The following CSMD1 variants were observed in gnomAD, a reference collection of about 807,000 sequenced individuals.
The protein encoded by CSMD1 is CUB and sushi domain-containing protein 1.
Under a neutral mutation model 417.5 loss-of-function variants are expected in CSMD1, and 213 were observed. The ratio of observed to expected loss-of-function variants is 0.51; its 90% CI spans 0.46 to 0.57. The LOEUF (loss-of-function observed/expected upper bound fraction) is 0.57. Among genes scored for constraint, CSMD1 ranks in the 20% least tolerant of loss-of-function variants. The pLI, the probability that CSMD1 is intolerant of heterozygous loss-of-function variation, is 0.00. For synonymous variants in CSMD1, 2,862 were observed against 1,736.8 expected, an observed-to-expected ratio of 1.65 and a Z score of -16.11; for missense variants, 6,923 against 4,529.7, an observed-to-expected ratio of 1.53 and a Z score of -15.17.
chr8:4,212,100 G>C (rs915936339), intron 3 of CSMD1, among the ~76,000 whole-genome samples: 6 of 151,588 alleles, frequency 4.0e-5, no homozygotes, highest in African/African-American at 1.2e-4. Context: ...GAACGTAAAA[G>C]TCATGATTTC....
At chr8:3,623,522 A>G (rs149883469) in intron 7 of CSMD1, among the ~76,000 whole-genome samples, 1 of 152,330 alleles carries the variant, frequency 6.6e-6, no homozygotes, top group Admixed American at 6.5e-5. Flanking sequence ...ATGAAGCGCT[A>G]AAAATAATTA....
chr8:4,178,501 T>C (rs994441212), intron 3 of CSMD1, among the ~76,000 whole-genome samples: 1 of 151,064 alleles, frequency 6.6e-6, no homozygotes, highest in African/African-American at 2.4e-5. Flanking sequence ...ACTGGAAGCA[T>C]TCCCTTTGAA....
intron 5 of CSMD1, among the ~76,000 whole-genome samples, chr8:3,917,160 A>T (rs1391403819): frequency 6.6e-6 from 1 of 152,188 alleles, no homozygotes; most frequent in Non-Finnish European, 1.5e-5. Context: ...TGCACAGAGG[A>T]ATAACGATTA....
chr8:3,168,179 A>G (rs1042068323), intron 37 of CSMD1, among the ~76,000 whole-genome samples: 2 of 152,204 alleles, frequency 1.3e-5, no homozygotes, highest in African/African-American at 2.4e-5. Flanking sequence ...GGGTCAAGAA[A>G]TCAAAATACA....
intron 1 of CSMD1, among the ~76,000 whole-genome samples, chr8:4,814,841 A>G (rs1799116277): frequency 6.6e-6 from 1 of 151,952 alleles, no homozygotes. Context: ...AATACTGCGG[A>G]CTCTTAATCA....
At chr8:3,391,540 G>C (rs759091843) in intron 17 of CSMD1, among the ~76,000 whole-genome samples, 10 of 152,182 alleles carry the variant, frequency 6.6e-5, no homozygotes, top group Non-Finnish European at 1.3e-4. Context: ...TCCTCGTAAA[G>C]AATGGCTAGA....
intron 12 of CSMD1, among the ~76,000 whole-genome samples, chr8:3,461,412 T>C (rs1816493502): frequency 1.3e-5 from 2 of 152,194 alleles, no homozygotes; most frequent in Non-Finnish European, 2.9e-5. Flanking sequence ...ACGGCCATAA[T>C]GCTGTGTCAG....
intron 23 of CSMD1, among the ~76,000 whole-genome samples, chr8:3,313,406 C>G (rs1023722395): frequency 2.0e-5 from 3 of 152,086 alleles, no homozygotes; most frequent in African/African-American, 7.2e-5. Context: ...CTACAATGAA[C>G]TCAAATTTAC....
At chr8:4,157,233 G>T (rs1482021871) in intron 3 of CSMD1, among the ~76,000 whole-genome samples, 1 of 152,152 alleles carries the variant, frequency 6.6e-6, no homozygotes, top group African/African-American at 2.4e-5. Flanking sequence ...GAGTTTATAA[G>T]AACACAACAG....
At chr8:4,403,459 G>C (rs79035519) in intron 3 of CSMD1, among the ~76,000 whole-genome samples, 3,363 of 152,036 alleles carry the variant, frequency 0.022, 111 homozygotes, top group African/African-American at 0.077. Flanking sequence ...TCCTTATCAG[G>C]GTCACCAATG....
chr8:3,110,463 G>A (rs1429429244), intron 42 of CSMD1, 128 bp from the exon 43 acceptor site: 1 of 707,360 alleles, frequency 1.4e-6, no homozygotes. Flanking sequence ...AAATATTTCT[G>A]AATCACCATT....
At chr8:4,361,240 C>T (rs1801741015) in intron 3 of CSMD1, among the ~76,000 whole-genome samples, 1 of 151,980 alleles carries the variant, frequency 6.6e-6, no homozygotes, top group Non-Finnish European at 1.5e-5. Flanking sequence ...ACTCAAAAAG[C>T]AGGAAGGAAA....
chr8:4,864,972 T>G (rs1191052598), intron 1 of CSMD1, among the ~76,000 whole-genome samples: 1 of 151,076 alleles, frequency 6.6e-6, no homozygotes, highest in Non-Finnish European at 1.5e-5. Flanking sequence ...TATTATAATA[T>G]TATTATATAA....
chr8:4,185,703 A>C (rs192534760), intron 3 of CSMD1, among the ~76,000 whole-genome samples: 49 of 152,350 alleles, frequency 3.2e-4, no homozygotes, highest in African/African-American at 1.2e-3. Flanking sequence ...GAAGACATGT[A>C]CTGAAATATG....
chr8:4,035,475 G>C (rs371967552), intron 3 of CSMD1, among the ~76,000 whole-genome samples: 2 of 142,854 alleles, frequency 1.4e-5, no homozygotes, highest in African/African-American at 6.0e-5. Context: ...TATTATCCTA[G>C]GAGATGAAAG....
rs552388303 is a variant in CSMD1 at position 3,998,280 on chromosome 8, G to A, written c.611-170C>T. 4.6e-5 allele frequency among the ~76,000 whole-genome samples: 7 copies of A among 152,244 alleles called. No individual in the cohort carries two copies. In the East Asian group the frequency reaches 1.3e-3, roughly 29 times the overall value. On this transcript the variant is annotated intron_variant, in intron 4 of 69. Transcript: ENST00000635120. Reference sequence around the variant, plus strand: ...GTATGTTAATGAGTTCTATGAAAAGGCTTACAAGACTCTAACATTTAAATT... The same window carrying A: ...GTATGTTAATGAGTTCTATGAAAAGACTTACAAGACTCTAACATTTAAATT...
intron 54 of CSMD1, among the ~76,000 whole-genome samples, chr8:2,980,313 T>TTTC (rs1554478596): frequency 7.0e-6 from 1 of 142,908 alleles, no homozygotes; most frequent in Non-Finnish European, 1.5e-5. Context: ...GATGCCACCA[T>TTTC]TTCTCCTCCT....
chr8:4,949,009 T>C (rs1204864495), intron 1 of CSMD1, among the ~76,000 whole-genome samples: 1 of 152,200 alleles, frequency 6.6e-6, no homozygotes, highest in Non-Finnish European at 1.5e-5. Context: ...CTGTTCTTTG[T>C]TTGCTAAATG....
intron 25 of CSMD1, among the ~76,000 whole-genome samples, chr8:3,292,644 G>T (rs958910853): frequency 3.9e-5 from 6 of 152,012 alleles, no homozygotes; most frequent in African/African-American, 9.7e-5. Context: ...AGACTAGGAT[G>T]GCAACCCCTG....
Sources: allele counts gnomAD v4.1 joint callset (sites outside exome capture counted in the v4.1 genomes callset), GRCh38; gene constraint gnomAD v4.1.1; transcripts MANE v1.5; gene names NCBI Gene and HGNC (gene_info 2026-07-23, HGNC 2026-07-21).